The following KIF26B variants were observed in gnomAD, a reference collection of about 807,000 sequenced individuals.
The protein encoded by KIF26B is kinesin family member 26B.
Under a neutral mutation model 151.2 loss-of-function variants are expected in KIF26B, and 63 were observed. The observed-to-expected ratio is 0.42, with a 90% CI of 0.34 to 0.51. The LOEUF is 0.51. KIF26B is among the 20% of genes least tolerant of loss of function. The pLI is 0.07. For synonymous variants in KIF26B, 1,357 were observed against 1,262.1 expected (o/e 1.08, Z -1.59); for missense variants, 2,813 against 2,913.6 (o/e 0.97, Z 0.79).
intron 4 of KIF26B, among the ~76,000 whole-genome samples, chr1:245,460,306 T>C (rs1659619555): frequency 6.6e-6 from 1 of 152,142 alleles, no homozygotes; most frequent in East Asian, 1.9e-4. Context: ...TTTTTGTTTT[T>C]CCAGAATTAG....
Position 245,394,842 on chromosome 1 carries a change from CA to C in KIF26B, c.1000-24736del, listed in dbSNP as rs1477902843. 2.6e-5 allele frequency among the ~76,000 whole-genome samples: 4 copies of C among 152,030 alleles called. 1 individual carries two copies. Among genetic ancestry groups the C allele is most frequent in the African/African-American group, 9.6e-5 (4 of 41,480 alleles). On this transcript the variant is annotated intron_variant, in intron 3 of 14. Coordinates refer to ENST00000407071, the MANE Select transcript of KIF26B (RefSeq NM_018012.4). ...AGTAGCTGATATTACAGGTGCTCGC[CA>C]CCACGCCTGGCTAATTTTTTGTATT...
chr1:245,486,061 T>G (rs533008142), intron 4 of KIF26B, among the ~76,000 whole-genome samples: 1 of 152,378 alleles, frequency 6.6e-6, no homozygotes, highest in African/African-American at 2.4e-5. Flanking sequence ...TAAAGGAGCT[T>G]TAAAGAAATC....
At chr1:245,551,482 G>A (rs1380281552) in intron 5 of KIF26B, among the ~76,000 whole-genome samples, 1 of 152,182 alleles carries the variant, frequency 6.6e-6, no homozygotes, top group Non-Finnish European at 1.5e-5. Flanking sequence ...CTAATCATAG[G>A]AAATCGGAAA....
At chr1:245,614,129 C>T (rs1036415236) in intron 9 of KIF26B, among the ~76,000 whole-genome samples, 1 of 152,156 alleles carries the variant, frequency 6.6e-6, no homozygotes, top group Non-Finnish European at 1.5e-5. Context: ...GCACGCGTCT[C>T]TTGTTTCTTC....
intron 2 of KIF26B, among the ~76,000 whole-genome samples, chr1:245,309,825 A>C (rs2102981764): frequency 6.9e-6 from 1 of 145,612 alleles, no homozygotes; most frequent in South Asian, 2.1e-4. Flanking sequence ...ACTAGTTGTA[A>C]AATTATAATA....
intron 2 of KIF26B, among the ~76,000 whole-genome samples, chr1:245,261,495 CTCTCTCTCCCTCCCT>C: frequency 8.8e-6 from 1 of 114,100 alleles, no homozygotes; most frequent in African/African-American, 3.9e-5. Context: ...CTCTCTCTCT[CTCTCTCTCCCTCCCT>C]CCCTCCCTCC....
chr1:245,311,802 C>T (rs1011157764), intron 2 of KIF26B, among the ~76,000 whole-genome samples: 10 of 151,820 alleles, frequency 6.6e-5, no homozygotes, highest in East Asian at 1.9e-4. Context: ...GTGTGGCAGG[C>T]GCCTGTAATC....
At chr1:245,594,326 A>C (rs1002035403) in intron 5 of KIF26B, among the ~76,000 whole-genome samples, 2 of 152,202 alleles carry the variant, frequency 1.3e-5, no homozygotes, top group African/African-American at 2.4e-5. Flanking sequence ...TCTTTAATCC[A>C]ACTTGAGTTA....
intron 3 of KIF26B, among the ~76,000 whole-genome samples, chr1:245,390,953 C>A (rs1704429): frequency 0.36 from 17,489 of 48,302 alleles, 2,556 homozygotes; most frequent in South Asian, 0.49. Context: ...AAAAAAAAAA[C>A]CACCATAAAA....
At chr1:245,328,671 C>T (rs192599708) in intron 2 of KIF26B, among the ~76,000 whole-genome samples, 1 of 152,258 alleles carries the variant, frequency 6.6e-6, no homozygotes, top group East Asian at 1.9e-4. Context: ...GGACTAGCAC[C>T]CATGAGCAGG....
Position 245,170,691 on chromosome 1 carries a change from C to T in KIF26B, c.465+14008C>T, listed in dbSNP as rs1313990051. 6.6e-6 allele frequency among the ~76,000 whole-genome samples: 1 copy of T among 152,118 alleles called. No individual in the cohort carries two copies. The highest frequency in any genetic ancestry group is 1.9e-4 in the East Asian group (1 of 5,188). The stretch of plus-strand genomic sequence containing the variant: ...GTAGTGGAAGGGACTGGCTAGCTCT[C>T]CAGGGTCTGTTTTGTAAGGGCAGGA... On this transcript the variant is annotated intron_variant, in intron 2 of 14. Transcript: ENST00000407071. This position sits in a 1 kb window ranked among gnomAD's most constrained non-coding sequence, Gnocchi z 4.4.
At chr1:245,666,390 A>C (rs1030939626) in intron 10 of KIF26B, among the ~76,000 whole-genome samples, 2 of 152,194 alleles carry the variant, frequency 1.3e-5, no homozygotes, top group Admixed American at 1.3e-4. Flanking sequence ...GAAATGAAAA[A>C]TCCAGGACAA....
intron 4 of KIF26B, among the ~76,000 whole-genome samples, chr1:245,535,464 C>T (rs1210458718): frequency 2.0e-5 from 3 of 152,176 alleles, no homozygotes; most frequent in Non-Finnish European, 1.5e-5. Flanking sequence ...GGAGGCTTTC[C>T]TAAATGGAGT....
Position 245,156,390 on chromosome 1 carries a change from G to C in KIF26B, c.172G>C (p.Gly58Arg). 1 of 1,541,458 alleles carries C rather than the reference G, an allele frequency of 6.5e-7. No individual in the cohort carries two copies. ...SRAGSRPTPE[G>R]AGSALGSSGT... ...CGCCGGCAGCCGGCCCACTCCTGAGGGCGCGGGCTCAGCGCTCGGCTCCTC... is the reference window on the plus strand; with the variant it reads ...CGCCGGCAGCCGGCCCACTCCTGAGCGCGCGGGCTCAGCGCTCGGCTCCTC... The change falls in exon 2 of 15, where the codon GGC becomes CGC. Residue 58 changes from glycine (G) to arginine (R), a missense_variant. Gly to Arg is a moderately radical substitution (Grantham distance 125). This residue lies in a region of KIF26B where 676 missense variants were observed against 688.1 expected (regional missense o/e 0.98). Coordinates refer to ENST00000407071, the MANE Select transcript of KIF26B (RefSeq NM_018012.4).
chr1:245,433,397 G>A (rs1658827169), intron 4 of KIF26B, among the ~76,000 whole-genome samples: 1 of 151,814 alleles, frequency 6.6e-6, no homozygotes, highest in Non-Finnish European at 1.5e-5. Flanking sequence ...AACCTGGGAG[G>A]TGGAGGTTGC....
At chr1:245,159,780 C>T (rs919336976) in intron 2 of KIF26B, among the ~76,000 whole-genome samples, 5 of 152,122 alleles carry the variant, frequency 3.3e-5, no homozygotes, top group Admixed American at 1.3e-4. Context: ...GAGCCCATTC[C>T]GGGTATCTGG....
intron 2 of KIF26B, among the ~76,000 whole-genome samples, chr1:245,233,537 C>A (rs774906460): frequency 6.6e-5 from 10 of 151,962 alleles, no homozygotes; most frequent in Non-Finnish European, 1.2e-4. Context: ...ATGAAGATAC[C>A]CAGGTGACTT....
chr1:245,424,077 C>G (rs1009650883), intron 4 of KIF26B, among the ~76,000 whole-genome samples: 2 of 152,158 alleles, frequency 1.3e-5, no homozygotes, highest in Admixed American at 6.5e-5. Flanking sequence ...CACCTAGGCT[C>G]AAGCAATCCT....
chr1:245,318,301 A>T lies in KIF26B; in HGVS notation c.466-48533A>T, dbSNP rs1316006794. ...CTTGGGGGGTAAAGGCAATACAAGGAATGACTGGCAAATACAGGTGTGAAT... is the reference window on the plus strand; with the variant it reads ...CTTGGGGGGTAAAGGCAATACAAGGTATGACTGGCAAATACAGGTGTGAAT... On this transcript the variant is annotated intron_variant, in intron 2 of 14. Coordinates refer to ENST00000407071, the MANE Select transcript of KIF26B (RefSeq NM_018012.4). This position sits in a 1 kb window ranked among gnomAD's most constrained non-coding sequence, Gnocchi z 4.0. 1.3e-5 allele frequency among the ~76,000 whole-genome samples: 2 copies of T among 152,158 alleles called. No individual in the cohort carries two copies. Among genetic ancestry groups the T allele is most frequent in the Non-Finnish European group, 2.9e-5 (2 of 68,030 alleles).
Sources: gnomAD v4.1 joint callset for allele counts (sites outside exome capture counted in the v4.1 genomes callset) on GRCh38, gnomAD v4.1.1 for gene constraint, gnomAD v4.1.1 regional missense constraint, Gnocchi (gnomAD v3.1) non-coding constraint, MANE v1.5 for transcripts, NCBI Gene and HGNC (gene_info 2026-07-23, HGNC 2026-07-21) for gene names.